The following OPCML variants were observed in gnomAD, a reference collection of about 807,000 sequenced individuals.
OPCML encodes the protein opioid binding protein/cell adhesion molecule like, also known as opioid-binding protein/cell adhesion molecule.
A neutral mutation model predicts 37.8 loss-of-function variants in OPCML; 13 were observed. The observed-to-expected ratio is 0.34, with a 90% CI of 0.22 to 0.55. The LOEUF is 0.55. Ranked by LOEUF, OPCML falls within the 20% of genes least tolerant of loss-of-function variation. The pLI is 0.91. For missense variants in OPCML, 341 were observed against 435.6 expected (o/e 0.78, Z 1.93); for synonymous variants, 176 against 168.8 (o/e 1.04, Z -0.33).
chr11:132,516,388 T>C (rs1470987003), intron 4 of OPCML, among the ~76,000 whole-genome samples: 1 of 152,176 alleles, frequency 6.6e-6, no homozygotes, highest in East Asian at 1.9e-4. Flanking sequence ...TGGGAACTTG[T>C]CTTTGCAAAT....
At chr11:132,660,744 T>C (rs1402000503) in intron 2 of OPCML, among the ~76,000 whole-genome samples, 2 of 152,206 alleles carry the variant, frequency 1.3e-5, no homozygotes, top group Non-Finnish European at 2.9e-5. Context: ...TTGCCTTTAG[T>C]GCCCTGCTTT....
At chr11:132,632,182 G>C (rs1204178872) in intron 3 of OPCML, among the ~76,000 whole-genome samples, 1 of 148,250 alleles carries the variant, frequency 6.7e-6, no homozygotes, top group African/African-American at 2.5e-5. Context: ...GCCACATGGA[G>C]ATTTGGGCAG....
intron 1 of OPCML, among the ~76,000 whole-genome samples, chr11:133,435,408 A>G: frequency 6.6e-6 from 1 of 152,188 alleles, no homozygotes; most frequent in East Asian, 1.9e-4. Context: ...AAGAAGAAAA[A>G]AAAGAAAGCT....
chr11:133,407,163 C>A (rs1277588325), intron 1 of OPCML, among the ~76,000 whole-genome samples: 1 of 152,148 alleles, frequency 6.6e-6, no homozygotes, highest in Non-Finnish European at 1.5e-5. Context: ...AATGATGGGG[C>A]TAAAACTGAG....
chr11:132,848,227 G>A (rs998403069), intron 2 of OPCML, among the ~76,000 whole-genome samples: 2 of 152,150 alleles, frequency 1.3e-5, no homozygotes, highest in Non-Finnish European at 2.9e-5. Context: ...TTGTACTTAT[G>A]CCTGTAAAAA....
chr11:132,579,105 G>T (rs1039602048), intron 3 of OPCML, among the ~76,000 whole-genome samples: 1 of 152,134 alleles, frequency 6.6e-6, no homozygotes, highest in African/African-American at 2.4e-5. Flanking sequence ...ATGATCAACT[G>T]GGGGGAGGCC....
intron 1 of OPCML, among the ~76,000 whole-genome samples, chr11:133,414,335 A>G (rs1945714861): frequency 6.6e-6 from 1 of 152,122 alleles, no homozygotes; most frequent in Admixed American, 6.5e-5. Flanking sequence ...GCTTTTTTGA[A>G]TTATGCCCCA....
At chr11:133,019,599 G>A in intron 1 of OPCML, among the ~76,000 whole-genome samples, 1 of 152,186 alleles carries the variant, frequency 6.6e-6, no homozygotes, top group East Asian at 1.9e-4. Context: ...TTAGAAAAAA[G>A]GAGCTATTTT....
intron 2 of OPCML, among the ~76,000 whole-genome samples, chr11:132,724,570 T>C (rs1413067268): frequency 6.6e-6 from 1 of 151,988 alleles, no homozygotes; most frequent in African/African-American, 2.4e-5. Context: ...ACCCCACAAA[T>C]CTCATGTCTT....
chr11:133,527,655 A>G (rs903360985), intron 1 of OPCML, among the ~76,000 whole-genome samples: 2 of 152,140 alleles, frequency 1.3e-5, no homozygotes, highest in African/African-American at 4.8e-5. Context: ...GAGTTTTTTT[A>G]TAATAAAAAT....
chr11:133,357,339 C>A (rs901959046), intron 1 of OPCML, among the ~76,000 whole-genome samples: 14 of 152,204 alleles, frequency 9.2e-5, no homozygotes, highest in African/African-American at 3.4e-4. Context: ...TAACCCATGT[C>A]TCCCTAGGGT....
chr11:132,946,495 T>C (rs1945747838), intron 1 of OPCML, among the ~76,000 whole-genome samples: 1 of 151,990 alleles, frequency 6.6e-6, no homozygotes, highest in South Asian at 2.1e-4. Flanking sequence ...CACCAACACC[T>C]GAGTAACACT....
At chr11:132,634,879 T>TA (rs1940388148) in intron 3 of OPCML, among the ~76,000 whole-genome samples, 1 of 151,900 alleles carries the variant, frequency 6.6e-6, no homozygotes, top group Admixed American at 6.6e-5. Context: ...ACTGGGCCGA[T>TA]ACACTCAGGA....
chr11:132,492,654 G>T (rs184479560), intron 4 of OPCML, among the ~76,000 whole-genome samples: 1 of 152,256 alleles, frequency 6.6e-6, no homozygotes, highest in East Asian at 1.9e-4. Context: ...AAATCAAGCA[G>T]GCAGTTGAAT....
At chr11:133,016,063 G>A (rs929065629) in intron 1 of OPCML, among the ~76,000 whole-genome samples, 1 of 152,252 alleles carries the variant, frequency 6.6e-6, no homozygotes, top group Non-Finnish European at 1.5e-5. Context: ...TGTGAGATCC[G>A]AAAGGACAGG....
At chr11:133,387,322 G>A (rs185828189) in intron 1 of OPCML, among the ~76,000 whole-genome samples, 1 of 152,200 alleles carries the variant, frequency 6.6e-6, no homozygotes, top group East Asian at 1.9e-4. Context: ...GTATTTATTT[G>A]GCCACTTCAC....
At chr11:133,458,822 CGT>C (rs1172481065) in intron 1 of OPCML, among the ~76,000 whole-genome samples, 68 of 147,832 alleles carry the variant, frequency 4.6e-4, no homozygotes, top group Middle Eastern at 3.6e-3. Context: ...CATAGATGCA[CGT>C]GTGTGTGTAT....
chr11:132,880,736 C>T (rs1378044973), intron 2 of OPCML, among the ~76,000 whole-genome samples: 1 of 152,250 alleles, frequency 6.6e-6, no homozygotes, highest in Non-Finnish European at 1.5e-5. Flanking sequence ...AACCAAATTA[C>T]TGGTAGAATG....
intron 1 of OPCML, among the ~76,000 whole-genome samples, chr11:133,080,481 T>TG (rs1948696623): frequency 6.6e-6 from 1 of 151,352 alleles, no homozygotes; most frequent in Non-Finnish European, 1.5e-5. Flanking sequence ...AATGTTTTTT[T>TG]TTTTTTTTTT....
Sources: gnomAD v4.1 joint callset for allele counts (sites outside exome capture counted in the v4.1 genomes callset) on GRCh38, gnomAD v4.1.1 for gene constraint, MANE v1.5 for transcripts, NCBI Gene and HGNC (gene_info 2026-07-23, HGNC 2026-07-21) for gene names.